MECR: variants seen among roughly 807,000 people sequenced by gnomAD.
MECR encodes the protein enoyl-[acyl-carrier-protein] reductase, mitochondrial.
MECR carries 37 observed loss-of-function variants against 49.1 expected under a neutral mutation model. The observed-to-expected ratio is 0.75, with a 90% CI of 0.58 to 0.99. The LOEUF is 0.99. MECR is among the 50% of genes least tolerant of loss of function. The pLI, the probability that MECR is intolerant of heterozygous loss-of-function variation, is 0.00. For synonymous variants in MECR, 198 were observed against 191.1 expected (o/e 1.04, Z -0.30); for missense variants, 470 against 479.6 (o/e 0.98, Z 0.19).
chr1:29,216,983 A>T (rs1379230605), intron 1 of MECR, among the ~76,000 whole-genome samples: 3 of 151,740 alleles, frequency 2.0e-5, no homozygotes, highest in Non-Finnish European at 4.4e-5. Flanking sequence ...AAAATACAAA[A>T]ATTAGCTGGG....
chr1:29,215,896 AT>A lies in MECR; in HGVS notation c.406+108del, dbSNP rs935249443. 9 of 1,308,668 alleles carry A rather than the reference AT, an allele frequency of 6.9e-6. No homozygotes were observed. The African/African-American group carries it at 8.9e-5, about 13-fold the overall frequency. The allele number at this position is 1,308,668 out of a possible 1,614,324, so 81.1% of individuals were successfully genotyped here. A position where few individuals can be genotyped will look rare whatever the true frequency, so the allele number is the denominator to read the frequency against. The stretch of plus-strand genomic sequence containing the variant: ...CAAAATAAATAAATAAATAAAAAAA[AT>A]AAACCCTGCATTACCCAGGTACACT... On this transcript the variant is annotated intron_variant, in intron 3 of 9. Coordinates refer to ENST00000263702, the MANE Select transcript of MECR (RefSeq NM_016011.5).
At chr1:29,212,361 G>A (rs1223247911) in intron 3 of MECR, among the ~76,000 whole-genome samples, 2 of 152,162 alleles carry the variant, frequency 1.3e-5, no homozygotes, top group African/African-American at 4.8e-5. Flanking sequence ...GGAGGTTGCA[G>A]GTTGCAGTGA....
chr1:29,180,164 C>A, the MECR span, among the ~76,000 whole-genome samples: 1 of 152,188 alleles, frequency 6.6e-6, no homozygotes, highest in Non-Finnish European at 1.5e-5. Context: ...GTGGTGGAAC[C>A]AGGATTTGAC....
Position 29,203,205 on chromosome 1 carries a change from G to A in MECR, c.579C>T (p.Asn193=), listed in dbSNP as rs765820789. The change falls in exon 5 of 10, where the codon AAC becomes AAT. Residue 193 remains asparagine (N), a synonymous_variant. Coordinates refer to ENST00000263702, the MANE Select transcript of MECR (RefSeq NM_016011.5). ...GGATGACTGCTTGCCCCACTCCGCT[G>A]TTGGATGCATTCTGGATGACAGAAT... is the stretch of plus-strand genomic sequence containing the variant. ...PGDSVIQNAS[N]SGVGQAVIQI... is the part of the protein sequence containing the mutation. 6.3e-7 allele frequency: 1 copy of A among 1,582,866 alleles called. No individual in the cohort carries two copies. Among genetic ancestry groups the A allele is most frequent in the Non-Finnish European group, 8.6e-7 (1 of 1,160,652 alleles).
chr1:29,180,122 G>A, the MECR span, among the ~76,000 whole-genome samples: 1 of 152,174 alleles, frequency 6.6e-6, no homozygotes, highest in East Asian at 1.9e-4. Context: ...GAACAACCAG[G>A]TTCAGAGAAG....
At chr1:29,174,973 G>C in the MECR span, among the ~76,000 whole-genome samples, 5 of 147,054 alleles carry the variant, frequency 3.4e-5, no homozygotes, top group African/African-American at 1.2e-4. Context: ...CAACTGGCCG[G>C]TGGGTTTTTT....
At chr1:29,218,262 C>G (rs1679952329) in intron 1 of MECR, among the ~76,000 whole-genome samples, 1 of 152,234 alleles carries the variant, frequency 6.6e-6, no homozygotes, top group Admixed American at 6.5e-5. Flanking sequence ...AAAAGGAGCT[C>G]TGCCAACCAG....
At chr1:29,170,115 T>C in the MECR span, 3 of 152,206 alleles carry the variant, frequency 2.0e-5, no homozygotes, top group Non-Finnish European at 2.9e-5. Context: ...GATACAATCA[T>C]CTGTGTCCAT....
chr1:29,169,149 C>T, the MECR span: 1 of 152,166 alleles, frequency 6.6e-6, no homozygotes, highest in African/African-American at 2.4e-5. Flanking sequence ...CACATTATAT[C>T]CATTTAATTT....
intron 4 of MECR, among the ~76,000 whole-genome samples, chr1:29,203,589 TTC>T (rs1004081191): frequency 6.6e-6 from 1 of 152,238 alleles, no homozygotes; most frequent in African/African-American, 2.4e-5. Flanking sequence ...GTTTCCCTCC[TTC>T]TCTCTTCCTT....
the MECR span, chr1:29,173,199 G>A: frequency 7.3e-6 from 1 of 136,314 alleles, no homozygotes; most frequent in South Asian, 2.3e-4. Context: ...GTGCAGTGGT[G>A]CGATCTCGGC....
At position 29,202,917 on chromosome 1, in the gene MECR, T is replaced by C. The variant is rs12751164; in HGVS notation, c.653+214A>G. Among the ~76,000 whole-genome samples, 2,052 of 152,308 alleles carry C rather than the reference T, an allele frequency of 0.013. 20 individuals carry two copies. The highest frequency in any genetic ancestry group is 0.082 in the Middle Eastern group (24 of 294). On this transcript the variant is annotated intron_variant, in intron 5 of 9. Coordinates refer to ENST00000263702, the MANE Select transcript of MECR (RefSeq NM_016011.5). ...CTCCACCTCCTTCCTGCCCTCTCTT[T>C]ACATGTCAGATTCACTCATCCTATC... is the stretch of plus-strand genomic sequence containing the variant.
chr1:29,174,167 C>T, the MECR span, among the ~76,000 whole-genome samples: 1 of 148,716 alleles, frequency 6.7e-6, no homozygotes, highest in African/African-American at 2.5e-5. Context: ...GCACTGCAGC[C>T]TGGGAGACAG....
intron 3 of MECR, among the ~76,000 whole-genome samples, chr1:29,211,235 C>T (rs544016847): frequency 2.6e-5 from 4 of 152,152 alleles, no homozygotes; most frequent in Non-Finnish European, 5.9e-5. Context: ...CGCTGCCACA[C>T]TTCGCTAATT....
In MECR at chr1:29,201,867, G is replaced by C. The variant is rs981985761; in HGVS notation, c.756+76C>G. 3.9e-6 allele frequency: 5 copies of C among 1,267,002 alleles called. No homozygotes were observed. In the African/African-American group the frequency reaches 4.4e-5, roughly 11 times the overall value. 78.5% of individuals were successfully genotyped at this position (1,267,002 alleles called of 1,614,324 possible). On this transcript the variant is annotated intron_variant, in intron 6 of 9. Coordinates refer to ENST00000263702, the MANE Select transcript of MECR (RefSeq NM_016011.5). The surrounding 1 kb of genome is among the most constrained non-coding windows in gnomAD (Gnocchi z 4.3). ...AGAGGAACAATGGGGCCAGTCCCCA[G>C]TTTCTCTAATGCATGTCAACTTTCT...
the MECR span, among the ~76,000 whole-genome samples, chr1:29,168,011 CCT>C: frequency 5.3e-5 from 5 of 94,704 alleles, no homozygotes; most frequent in African/African-American, 1.3e-4. Context: ...GGTTCTAATT[CCT>C]TTTTTTTTTT....
chr1:29,192,506 T>C (rs182652683), downstream of MECR, among the ~76,000 whole-genome samples: 3 of 152,276 alleles, frequency 2.0e-5, no homozygotes, highest in East Asian at 1.9e-4. Flanking sequence ...CTGGTCAATC[T>C]TGCACTAGGC....
intron 7 of MECR, among the ~76,000 whole-genome samples, chr1:29,198,261 C>T (rs370290818): frequency 3.3e-5 from 5 of 152,206 alleles, no homozygotes; most frequent in Admixed American, 6.5e-5. Context: ...TACTGGTCTG[C>T]GGCCTGGGGG....
downstream of MECR, among the ~76,000 whole-genome samples, chr1:29,188,397 T>A (rs1425039252): frequency 1.3e-5 from 2 of 151,708 alleles, no homozygotes; most frequent in Admixed American, 1.3e-4. Flanking sequence ...AGAGACAGGA[T>A]TTCTCCATGT....
Sources: allele counts gnomAD v4.1 joint callset (sites outside exome capture counted in the v4.1 genomes callset), GRCh38; gene constraint gnomAD v4.1.1; non-coding constraint Gnocchi (gnomAD v3.1); transcripts MANE v1.5; gene names NCBI Gene and HGNC (gene_info 2026-07-23, HGNC 2026-07-21).